The following ASCC1 variants were observed in gnomAD, a reference collection of about 807,000 sequenced individuals.
ASCC1 encodes activating signal cointegrator 1 complex subunit 1, also known as ASC-1 complex subunit P50.
ASCC1 carries 35 observed loss-of-function variants against 46.6 expected under a neutral mutation model. The observed-to-expected ratio is 0.75, with a 90% CI of 0.57 to 0.99. The LOEUF (loss-of-function observed/expected upper bound fraction) is 0.99. Ranked by LOEUF, ASCC1 falls within the 50% of genes least tolerant of loss-of-function variation. ASCC1 has a pLI of 0.00. For missense variants in ASCC1, 376 were observed against 428.7 expected (o/e 0.88, Z 1.09); for synonymous variants, 143 against 146.6 (o/e 0.98, Z 0.18).
chr10:72,208,249 C>G (rs1380237411), intron 3 of ASCC1, among the ~76,000 whole-genome samples: 3 of 151,664 alleles, frequency 2.0e-5, no homozygotes, highest in Non-Finnish European at 4.4e-5. Context: ...ATTATCAAGT[C>G]AGAATCATGC....
chr10:72,118,612 T>C (rs1843783589), intron 9 of ASCC1, among the ~76,000 whole-genome samples: 1 of 151,388 alleles, frequency 6.6e-6, no homozygotes, highest in Admixed American at 6.6e-5. Context: ...AAACCCCGTC[T>C]CTACTAAAAA....
chr10:72,185,755 C>A (rs1002254999), intron 5 of ASCC1, among the ~76,000 whole-genome samples: 1 of 152,074 alleles, frequency 6.6e-6, no homozygotes, highest in East Asian at 1.9e-4. Flanking sequence ...CTGGTGTATA[C>A]CTTCATCAAA....
chr10:72,124,900 T>C (rs1844671208), intron 9 of ASCC1, among the ~76,000 whole-genome samples: 1 of 152,136 alleles, frequency 6.6e-6, no homozygotes, highest in Non-Finnish European at 1.5e-5. Flanking sequence ...TTTTTCAGGT[T>C]TGAATAACAC....
At chr10:72,113,109 A>G (rs1843109355) in intron 9 of ASCC1, among the ~76,000 whole-genome samples, 1 of 152,214 alleles carries the variant, frequency 6.6e-6, no homozygotes, top group Non-Finnish European at 1.5e-5. Flanking sequence ...CAAATGCACC[A>G]AGCAAGCATG....
intron 1 of ASCC1, among the ~76,000 whole-genome samples, chr10:72,215,493 T>C (rs183256396): frequency 5.9e-5 from 9 of 152,076 alleles, no homozygotes; most frequent in African/African-American, 9.6e-5. Flanking sequence ...TAAACCGACA[T>C]GGATGGAGGA....
chr10:72,119,788 G>C (rs1843969237), intron 9 of ASCC1, among the ~76,000 whole-genome samples: 1 of 151,996 alleles, frequency 6.6e-6, no homozygotes, highest in Non-Finnish European at 1.5e-5. Context: ...GTCAGAAATG[G>C]CAGGCGTGCT....
Position 72,204,371 on chromosome 10 carries a change from A to G in ASCC1, c.213-847T>C, listed in dbSNP as rs554945892. On this transcript the variant is annotated intron_variant, in intron 3 of 9. Transcript: ENST00000672957. ...CATGAAGACGGGACATGAGCTCACA[A>G]TCCCCATCACTCCCACTTAAATCAC... 16 of 1,549,496 alleles carry G rather than the reference A, an allele frequency of 1.0e-5. No individual in the cohort carries two copies. The African/African-American group carries it at 1.8e-4, about 17-fold the overall frequency.
intron 2 of ASCC1, chr10:72,212,061 G>A (rs1236970815): frequency 1.3e-5 from 2 of 153,734 alleles, no homozygotes; most frequent in Non-Finnish European, 2.9e-5. Context: ...GCAGGCACCT[G>A]TAGTCCCAGC....
intron 6 of ASCC1, among the ~76,000 whole-genome samples, chr10:72,159,596 A>C (rs1386206789): frequency 6.6e-6 from 1 of 152,236 alleles, no homozygotes; most frequent in Non-Finnish European, 1.5e-5. Flanking sequence ...CTGATCCTTA[A>C]ACCAGGTAAA....
At chr10:72,161,125 T>C (rs1350663090) in intron 6 of ASCC1, among the ~76,000 whole-genome samples, 2 of 146,372 alleles carry the variant, frequency 1.4e-5, no homozygotes, top group African/African-American at 5.1e-5. Flanking sequence ...TTCTAAAATA[T>C]AATGAAGACT....
chr10:72,156,461 C>G (rs1420186810), intron 6 of ASCC1, among the ~76,000 whole-genome samples: 5 of 152,114 alleles, frequency 3.3e-5, no homozygotes, highest in African/African-American at 1.2e-4. Context: ...TGTGGTACTG[C>G]CTTAAAAACA....
At chr10:72,197,875 C>T (rs1408362317) in intron 4 of ASCC1, among the ~76,000 whole-genome samples, 2 of 149,702 alleles carry the variant, frequency 1.3e-5, no homozygotes, top group African/African-American at 5.0e-5. Context: ...CACTGCACTC[C>T]AGCATGGGCA....
rs189695529 is a variant in ASCC1 at position 72,146,615 on chromosome 10, A to G, written c.746+6254T>C. On this transcript the variant is annotated intron_variant, in intron 7 of 9. Transcript: ENST00000672957. ...ACAGAATAGCCACAGTGTTCAGTGT[A>G]TAAGTCCTAACAGCTGACTCCTAGC... Among the ~76,000 whole-genome samples the G allele has an allele frequency of 2.4e-3, 366 of 152,302 alleles. 1 individual carries two copies. Among genetic ancestry groups the G allele is most frequent in the Non-Finnish European group, 4.0e-3 (275 of 68,024 alleles).
At chr10:72,189,019 G>A (rs1429092140) in intron 5 of ASCC1, among the ~76,000 whole-genome samples, 2 of 152,042 alleles carry the variant, frequency 1.3e-5, no homozygotes, top group African/African-American at 4.8e-5. Flanking sequence ...GCCTCCCAAA[G>A]TGCTGAGATT....
chr10:72,189,842 A>ATTG (rs1854134975), intron 5 of ASCC1: 1 of 478,034 alleles, frequency 2.1e-6, no homozygotes, highest in African/African-American at 2.0e-5. Context: ...GACATGAACC[A>ATTG]TTGTTCTATT....
intron 9 of ASCC1, among the ~76,000 whole-genome samples, chr10:72,098,834 T>G (rs1466971596): frequency 6.6e-6 from 1 of 152,238 alleles, no homozygotes; most frequent in Non-Finnish European, 1.5e-5. Flanking sequence ...CCTGCATTGA[T>G]TTACACAATT....
At chr10:72,184,421 T>C (rs146177182) in intron 5 of ASCC1, among the ~76,000 whole-genome samples, 1 of 152,274 alleles carries the variant, frequency 6.6e-6, no homozygotes, top group East Asian at 1.9e-4. Context: ...AAAAGAAACC[T>C]GTTTTGAATA....
At chr10:72,146,374 G>A (rs987562354) in intron 7 of ASCC1, among the ~76,000 whole-genome samples, 4 of 152,176 alleles carry the variant, frequency 2.6e-5, no homozygotes, top group African/African-American at 9.7e-5. Context: ...AAGAAATGGG[G>A]TCACGAGAAT....
chr10:72,199,531 T>C (rs997594813), intron 4 of ASCC1, among the ~76,000 whole-genome samples: 93 of 151,896 alleles, frequency 6.1e-4, no homozygotes, highest in Non-Finnish European at 1.5e-4. Context: ...CTCCTGACTT[T>C]GTGATGTGCC....
Sources: gnomAD v4.1 joint callset for allele counts (sites outside exome capture counted in the v4.1 genomes callset) on GRCh38, gnomAD v4.1.1 for gene constraint, MANE v1.5 for transcripts, NCBI Gene and HGNC (gene_info 2026-07-23, HGNC 2026-07-21) for gene names.